Variants in TENM1 observed in about 807,000 individuals in gnomAD.
TENM1 encodes the protein teneurin transmembrane protein 1, also known as teneurin-1.
Under a neutral mutation model 174.8 loss-of-function variants are expected in TENM1, and 35 were observed. The ratio of observed to expected loss-of-function variants is 0.20; its 90% CI spans 0.15 to 0.27. TENM1 has a LOEUF of 0.27. TENM1 is among the 10% of genes least tolerant of loss of function. The pLI is 1.00. For synonymous variants in TENM1, 781 were observed against 798.7 expected, an observed-to-expected ratio of 0.98 and a Z score of 0.37; for missense variants, 1,633 against 2,130.1, an observed-to-expected ratio of 0.77 and a Z score of 4.59.
At position 124,811,543 on chromosome X, in the gene TENM1, A is replaced by C. The variant is rs1325541106; in HGVS notation, c.536-74346T>G. Among the ~76,000 whole-genome samples the C allele has an allele frequency of 5.4e-5, 6 of 111,937 alleles. No individual in the cohort carries two copies. In the East Asian group the frequency reaches 1.4e-3, roughly 26 times the overall value. ...GTGTTGGCAAGGACGTGGAGAAAAGAAAACCCTGACAAACTATTGGTGTGA... is the reference window on the plus strand; with the variant it reads ...GTGTTGGCAAGGACGTGGAGAAAAGCAAACCCTGACAAACTATTGGTGTGA... On this transcript the variant is annotated intron_variant, in intron 3 of 31. Coordinates refer to ENST00000422452, the Ensembl canonical transcript of TENM1.
intron 3 of TENM1, among the ~76,000 whole-genome samples, chrX:124,886,546 TATAGAG>T (rs1170781120): frequency 1.6e-4 from 12 of 76,066 alleles, no homozygotes; most frequent in African/African-American, 3.2e-4. Flanking sequence ...TATATATATA[TATAGAG>T]AGAGAGAGAG....
chrX:125,063,616 C>T, the TENM1 span, among the ~76,000 whole-genome samples: 1 of 111,638 alleles, frequency 9.0e-6, no homozygotes, highest in Non-Finnish European at 1.9e-5. Flanking sequence ...AATGAGATAC[C>T]ATCTCACACC....
At chrX:124,644,070 T>G (rs1169336907) in intron 10 of TENM1, among the ~76,000 whole-genome samples, 5 of 100,232 alleles carry the variant, frequency 5.0e-5, no homozygotes, top group Non-Finnish European at 8.0e-5. Context: ...TATATATATG[T>G]GTATATATAA....
exon 32 of TENM1, chrX:124,378,310 T>C (rs2060123312): frequency 8.9e-6 from 1 of 112,688 alleles, no homozygotes; most frequent in Non-Finnish European, 1.9e-5. Context: ...AAATAGACTC[T>C]AATATTGACA....
intron 18 of TENM1, among the ~76,000 whole-genome samples, chrX:124,509,366 G>A (rs1300070692): frequency 9.0e-6 from 1 of 110,921 alleles, no homozygotes; most frequent in Non-Finnish European, 1.9e-5. Context: ...TCAAAAACAA[G>A]TGAAGAACAA....
chrX:125,146,623 T>C, the TENM1 span, among the ~76,000 whole-genome samples: 1 of 110,861 alleles, frequency 9.0e-6, no homozygotes, highest in African/African-American at 3.3e-5. Context: ...AAGGGTAGAG[T>C]AAATTTGCAG....
the TENM1 span, among the ~76,000 whole-genome samples, chrX:125,137,989 C>T: frequency 1.8e-5 from 2 of 111,497 alleles, no homozygotes; most frequent in African/African-American, 6.5e-5. Context: ...CCTGTCCTTG[C>T]CAATTTTAAA....
the TENM1 span, among the ~76,000 whole-genome samples, chrX:125,024,155 T>C: frequency 1.8e-5 from 2 of 111,659 alleles, no homozygotes; most frequent in Middle Eastern, 4.2e-3. Context: ...ACTGCCACTA[T>C]GGAAAACAGT....
intron 6 of TENM1, among the ~76,000 whole-genome samples, chrX:124,666,589 T>C (rs1198940701): frequency 1.8e-5 from 2 of 111,360 alleles, no homozygotes; most frequent in Non-Finnish European, 3.8e-5. Flanking sequence ...CTGTCCCTTC[T>C]TTCCCATGAT....
chrX:125,046,857 C>CGTGT, the TENM1 span, among the ~76,000 whole-genome samples: 3,558 of 98,221 alleles, frequency 0.036, 52 homozygotes, highest in Middle Eastern at 0.069. Flanking sequence ...TGTGTGCATG[C>CGTGT]GTGTGTGTGT....
chrX:125,022,139 A>C, the TENM1 span, among the ~76,000 whole-genome samples: 1 of 112,278 alleles, frequency 8.9e-6, no homozygotes, highest in African/African-American at 3.2e-5. Context: ...TTGAAACATT[A>C]ATATGTGCCT....
At chrX:125,088,697 G>A in the TENM1 span, among the ~76,000 whole-genome samples, 5 of 110,555 alleles carry the variant, frequency 4.5e-5, no homozygotes, top group East Asian at 1.4e-3. Context: ...AAACAGATAA[G>A]CCTTTCTGAA....
At chrX:124,747,516 C>T (rs1303180201) in intron 3 of TENM1, among the ~76,000 whole-genome samples, 2 of 103,164 alleles carry the variant, frequency 1.9e-5, no homozygotes, top group East Asian at 7.4e-4. Flanking sequence ...AAAGTAATTG[C>T]GGTTTTGCCA....
At chrX:124,892,059 G>A (rs2057485500) in intron 3 of TENM1, among the ~76,000 whole-genome samples, 1 of 111,284 alleles carries the variant, frequency 9.0e-6, no homozygotes, top group African/African-American at 3.3e-5. Flanking sequence ...TTGTTAGTAA[G>A]GTGAAATGGG....
intron 3 of TENM1, among the ~76,000 whole-genome samples, chrX:124,744,904 T>C (rs961100876): frequency 8.9e-6 from 1 of 112,025 alleles, no homozygotes; most frequent in Non-Finnish European, 1.9e-5. Flanking sequence ...CAATGTTATT[T>C]ATAAAGATAG....
At chrX:124,765,231 G>C (rs1337741358) in intron 3 of TENM1, among the ~76,000 whole-genome samples, 1 of 111,921 alleles carries the variant, frequency 8.9e-6, no homozygotes, top group Non-Finnish European at 1.9e-5. Context: ...GAAATTTCTA[G>C]AGCTTGGTTC....
the TENM1 span, among the ~76,000 whole-genome samples, chrX:125,044,082 T>C: frequency 2.2e-5 from 1 of 44,955 alleles, no homozygotes; most frequent in Non-Finnish European, 3.8e-5. Flanking sequence ...CGTTAGTGGG[T>C]GCAGCGCACC....
intron 1 of TENM1, among the ~76,000 whole-genome samples, chrX:124,915,768 C>T (rs1330247492): frequency 4.5e-5 from 5 of 111,511 alleles, no homozygotes; most frequent in African/African-American, 1.3e-4. Flanking sequence ...GTGCTTTGCT[C>T]AGTAAATATT....
intron 27 of TENM1, among the ~76,000 whole-genome samples, chrX:124,403,520 C>CAAA (rs200809417): frequency 1.3e-5 from 1 of 76,170 alleles, no homozygotes; most frequent in African/African-American, 5.0e-5. Flanking sequence ...ACTCTTGTCT[C>CAAA]AAAAAAAAAA....
Sources: gnomAD v4.1 joint callset for allele counts (sites outside exome capture counted in the v4.1 genomes callset) on GRCh38, gnomAD v4.1.1 for gene constraint, MANE v1.5 for transcripts, NCBI Gene and HGNC (gene_info 2026-07-23, HGNC 2026-07-21) for gene names.